Variants in CSMD1 observed in about 807,000 individuals in gnomAD.
CSMD1 encodes CUB and sushi domain-containing protein 1.
In CSMD1, 213 loss-of-function variants were observed where a neutral mutation model predicts 417.5. That is an observed-to-expected ratio of 0.51 (90% CI 0.46 to 0.57). The LOEUF (loss-of-function observed/expected upper bound fraction) is 0.57, where lower values mean the gene tolerates loss of function less well. CSMD1 is among the 20% of genes least tolerant of loss of function. CSMD1 has a pLI of 0.00. For missense variants in CSMD1, 6,923 were observed against 4,529.7 expected (o/e 1.53, Z -15.17); for synonymous variants, 2,862 against 1,736.8 (o/e 1.65, Z -16.11).
At chr8:3,787,831 C>T (rs915557791) in intron 5 of CSMD1, among the ~76,000 whole-genome samples, 1 of 152,130 alleles carries the variant, frequency 6.6e-6, no homozygotes, top group Non-Finnish European at 1.5e-5. Flanking sequence ...AATCAGTGTC[C>T]TATCTTGCAA....
chr8:4,937,730 G>A (rs1207196139), intron 1 of CSMD1, among the ~76,000 whole-genome samples: 1 of 152,052 alleles, frequency 6.6e-6, no homozygotes, highest in Non-Finnish European at 1.5e-5. Flanking sequence ...CGCCTGAGCA[G>A]AGTAAGATAA....
chr8:4,750,769 G>C (rs1391520478), intron 1 of CSMD1, among the ~76,000 whole-genome samples: 2 of 151,450 alleles, frequency 1.3e-5, no homozygotes, highest in Non-Finnish European at 2.9e-5. Context: ...AAAAAAAAAA[G>C]TAGTATTAGC....
chr8:4,279,586 G>T (rs1047805431), intron 3 of CSMD1, among the ~76,000 whole-genome samples: 1 of 151,986 alleles, frequency 6.6e-6, no homozygotes. Context: ...CGGTTTTATT[G>T]CCCTAAACAA....
intron 1 of CSMD1, among the ~76,000 whole-genome samples, chr8:4,654,995 G>C (rs1804138208): frequency 6.8e-6 from 1 of 147,530 alleles, no homozygotes; most frequent in South Asian, 2.1e-4. Context: ...ACTAACCATT[G>C]TTTGAAAATG....
chr8:4,345,340 G>C (rs894938600), intron 3 of CSMD1, among the ~76,000 whole-genome samples: 2 of 151,926 alleles, frequency 1.3e-5, no homozygotes, highest in Non-Finnish European at 2.9e-5. Context: ...TCCTTGCTTG[G>C]TTTCCAATTT....
intron 50 of CSMD1, among the ~76,000 whole-genome samples, chr8:3,038,477 T>C (rs915081904): frequency 2.6e-5 from 4 of 152,248 alleles, no homozygotes; most frequent in Non-Finnish European, 5.9e-5. Flanking sequence ...TTTATATTAC[T>C]GGTGGCTCTC....
intron 1 of CSMD1, among the ~76,000 whole-genome samples, chr8:4,792,351 G>C (rs1797737729): frequency 6.6e-6 from 1 of 152,118 alleles, no homozygotes; most frequent in African/African-American, 2.4e-5. Flanking sequence ...GAAGGAATTT[G>C]CTTTAAAAAA....
At position 3,596,107 on chromosome 8, in the gene CSMD1, G is replaced by A. The variant is rs192704655; in HGVS notation, c.1098-9847C>T. On this transcript the variant is annotated intron_variant, in intron 8 of 69. Coordinates refer to ENST00000635120, the MANE Select transcript of CSMD1 (RefSeq NM_033225.6). ...AACTCTAGACCAAAAGGCGTTTTGC[G>A]GATCATGCTCTTTGCTCTGTAGCTC... is the stretch of plus-strand genomic sequence containing the variant. Among the ~76,000 whole-genome samples, 332 of 152,272 alleles carry A rather than the reference G, an allele frequency of 2.2e-3. 2 individuals carry two copies. Among genetic ancestry groups the A allele is most frequent in the Non-Finnish European group, 3.9e-3 (267 of 68,020 alleles).
intron 11 of CSMD1, among the ~76,000 whole-genome samples, chr8:3,481,711 G>A (rs530224660): frequency 8.5e-5 from 13 of 152,308 alleles, no homozygotes; most frequent in African/African-American, 2.4e-4. Flanking sequence ...AGATGGTCTC[G>A]TGACTCTGAA....
intron 8 of CSMD1, among the ~76,000 whole-genome samples, chr8:3,588,286 T>G (rs1179705862): frequency 6.6e-6 from 1 of 150,942 alleles, no homozygotes; most frequent in Non-Finnish European, 1.5e-5. Flanking sequence ...AACATAATAG[T>G]TAAGAAAGAA....
intron 1 of CSMD1, among the ~76,000 whole-genome samples, chr8:4,688,858 T>C (rs750688709): frequency 6.6e-6 from 1 of 152,170 alleles, no homozygotes; most frequent in Middle Eastern, 3.2e-3. Context: ...ACAGGGGAAA[T>C]GAAGATTGAC....
At chr8:4,539,391 C>T (rs1797268461) in intron 2 of CSMD1, among the ~76,000 whole-genome samples, 1 of 152,224 alleles carries the variant, frequency 6.6e-6, no homozygotes, top group African/African-American at 2.4e-5. Context: ...TGGAGTGTTC[C>T]CACAGAATCA....
intron 5 of CSMD1, among the ~76,000 whole-genome samples, chr8:3,894,503 T>G (rs1205188679): frequency 2.6e-5 from 4 of 152,134 alleles, no homozygotes; most frequent in African/African-American, 4.8e-5. Context: ...AGTTTTAACA[T>G]TTGCCAAATT....
At chr8:3,293,819 C>T (rs182131156) in intron 25 of CSMD1, among the ~76,000 whole-genome samples, 10 of 152,338 alleles carry the variant, frequency 6.6e-5, no homozygotes, top group African/African-American at 2.4e-4. Flanking sequence ...AAGCCTTCTT[C>T]TCTCAACTTG....
chr8:4,487,762 G>A (rs1626142), intron 2 of CSMD1, among the ~76,000 whole-genome samples: 90,626 of 152,032 alleles, frequency 0.6, 28,193 homozygotes, highest in Non-Finnish European at 0.68. Flanking sequence ...TGCCTTAATC[G>A]TCTAAAGAAA....
intron 50 of CSMD1, 81 bp downstream of exon 50, chr8:3,052,381 C>A (rs566294111): frequency 9.3e-6 from 10 of 1,069,962 alleles, no homozygotes; most frequent in Non-Finnish European, 1.3e-5. Flanking sequence ...GACCTCTGAA[C>A]GTGGGAACCC....
chr8:3,685,946 A>AT (rs1267318971), intron 7 of CSMD1, among the ~76,000 whole-genome samples: 1 of 152,034 alleles, frequency 6.6e-6, no homozygotes, highest in East Asian at 1.9e-4. Flanking sequence ...AAGTACAATT[A>AT]TTTTTTACTA....
chr8:3,652,338 C>A (rs142474822), intron 7 of CSMD1, among the ~76,000 whole-genome samples: 18 of 151,212 alleles, frequency 1.2e-4, no homozygotes, highest in Non-Finnish European at 2.7e-4. Flanking sequence ...CCACCATCAG[C>A]GTGCTTACCA....
chr8:4,025,847 C>T (rs1276725309), intron 4 of CSMD1, among the ~76,000 whole-genome samples: 2 of 152,096 alleles, frequency 1.3e-5, no homozygotes, highest in Non-Finnish European at 2.9e-5. Context: ...ATTAAATATA[C>T]AGTTATACCT....
Sources: allele counts gnomAD v4.1 joint callset (sites outside exome capture counted in the v4.1 genomes callset), GRCh38; gene constraint gnomAD v4.1.1; transcripts MANE v1.5; gene names NCBI Gene and HGNC (gene_info 2026-07-23, HGNC 2026-07-21).